The following SASH1 variants were observed in gnomAD, a reference collection of about 807,000 sequenced individuals.
SASH1 encodes SAM and SH3 domain-containing protein 1.
In SASH1, 44 loss-of-function variants were observed where a neutral mutation model predicts 125.2. The observed-to-expected ratio is 0.35, with a 90% CI of 0.28 to 0.45. The LOEUF (loss-of-function observed/expected upper bound fraction) is 0.45. Among genes scored for constraint, SASH1 ranks in the 20% least tolerant of loss-of-function variants. SASH1 has a pLI of 1.00. For synonymous variants in SASH1, 639 were observed against 649.1 expected (o/e 0.98, Z 0.24); for missense variants, 1,426 against 1,614.5 (o/e 0.88, Z 2.00).
chr6:148,426,141 G>C (rs552645774), intron 2 of SASH1, among the ~76,000 whole-genome samples: 2 of 152,106 alleles, frequency 1.3e-5, no homozygotes, highest in African/African-American at 4.8e-5. Flanking sequence ...CCTGGGAGGC[G>C]GAGGCTGCAG....
intron 1 of SASH1, among the ~76,000 whole-genome samples, chr6:148,365,078 G>A (rs904915148): frequency 2.0e-5 from 3 of 151,512 alleles, no homozygotes; most frequent in South Asian, 4.2e-4. Flanking sequence ...AGCTGAGATC[G>A]TGCCACTGCA....
At chr6:148,302,782 A>ATG (rs71031061) in intron 1 of SASH1, among the ~76,000 whole-genome samples, 20,829 of 147,532 alleles carry the variant, frequency 0.14, 1,942 homozygotes, top group Non-Finnish European at 0.21. Context: ...GTATATATAT[A>ATG]TGTGTGTGTG....
At chr6:148,257,842 G>A in the SASH1 span, among the ~76,000 whole-genome samples, 10 of 152,078 alleles carry the variant, frequency 6.6e-5, no homozygotes, top group East Asian at 9.7e-4. Flanking sequence ...TGTTGCCCAC[G>A]ATGGTCTCGA....
chr6:148,315,091 T>C (rs556591284), intron 1 of SASH1, among the ~76,000 whole-genome samples: 1 of 152,310 alleles, frequency 6.6e-6, no homozygotes, highest in South Asian at 2.1e-4. Flanking sequence ...GTTAATGATC[T>C]GCAAGCATTT....
intron 5 of SASH1, 151 bp downstream of exon 5, chr6:148,468,736 TA>T: frequency 1.8e-6 from 1 of 548,508 alleles, no homozygotes; most frequent in Non-Finnish European, 3.2e-6. Flanking sequence ...CTCCTTTTTC[TA>T]GGCAGTTTTA....
upstream of SASH1, among the ~76,000 whole-genome samples, chr6:148,271,328 C>T (rs1197706507): frequency 6.6e-6 from 1 of 152,102 alleles, no homozygotes; most frequent in East Asian, 1.9e-4. Flanking sequence ...CCTAATGTTC[C>T]TTAGTGACTT....
At chr6:148,207,292 G>C in the SASH1 span, among the ~76,000 whole-genome samples, 1 of 152,202 alleles carries the variant, frequency 6.6e-6, no homozygotes, top group Non-Finnish European at 1.5e-5. Context: ...TGTGACTTAG[G>C]AACTAAATTC....
At chr6:148,249,434 A>G in the SASH1 span, among the ~76,000 whole-genome samples, 1 of 152,290 alleles carries the variant, frequency 6.6e-6, no homozygotes, top group East Asian at 1.9e-4. Flanking sequence ...AAAAAGGCTC[A>G]TGTGTAAACA....
intron 4 of SASH1, among the ~76,000 whole-genome samples, chr6:148,445,059 G>A (rs1776712883): frequency 6.6e-6 from 1 of 152,170 alleles, no homozygotes; most frequent in Non-Finnish European, 1.5e-5. Context: ...GTGTCTTTTG[G>A]TGTGCTATTG....
intron 2 of SASH1, among the ~76,000 whole-genome samples, chr6:148,435,807 CCTCTT>C (rs975256323): frequency 7.9e-5 from 12 of 152,052 alleles, no homozygotes; most frequent in African/African-American, 2.7e-4. Flanking sequence ...AGTTTATTAT[CCTCTT>C]CTCTTTACTT....
chr6:148,404,431 G>T (rs1208814508), intron 2 of SASH1, among the ~76,000 whole-genome samples: 1 of 151,920 alleles, frequency 6.6e-6, no homozygotes, highest in Non-Finnish European at 1.5e-5. Flanking sequence ...TCTTAAAATG[G>T]GTATACAAAT....
intron 1 of SASH1, among the ~76,000 whole-genome samples, chr6:148,337,835 T>C (rs1353665108): frequency 4.6e-5 from 7 of 152,232 alleles, no homozygotes; most frequent in Non-Finnish European, 8.8e-5. Context: ...ATTATGGTGA[T>C]AGTTTTCACT....
At chr6:148,527,997 G>A (rs1860969) in intron 12 of SASH1, among the ~76,000 whole-genome samples, 56,682 of 131,394 alleles carry the variant, frequency 0.43, 11,919 homozygotes, top group South Asian at 0.53. Context: ...TTGGGGGGGG[G>A]GGTGGCAGTA....
upstream of SASH1, among the ~76,000 whole-genome samples, chr6:148,270,940 G>A (rs866310827): frequency 4.3e-5 from 6 of 138,458 alleles, no homozygotes; most frequent in African/African-American, 8.2e-5. Context: ...ACAGAGTCTC[G>A]CTCTTGTCGC....
the SASH1 span, among the ~76,000 whole-genome samples, chr6:148,235,515 A>G: frequency 4.6e-5 from 7 of 152,178 alleles, no homozygotes; most frequent in African/African-American, 1.7e-4. Context: ...AATTTTTAAA[A>G]TATGTATTTG....
intron 1 of SASH1, among the ~76,000 whole-genome samples, chr6:148,330,774 T>TG (rs1780972887): frequency 6.6e-6 from 1 of 152,072 alleles, no homozygotes; most frequent in African/African-American, 2.4e-5. Context: ...TTAGCAGAGA[T>TG]GGGGTTTCGC....
intron 5 of SASH1, among the ~76,000 whole-genome samples, chr6:148,469,570 C>G (rs1051624905): frequency 9.2e-5 from 14 of 151,910 alleles, no homozygotes; most frequent in African/African-American, 3.4e-4. Flanking sequence ...CTTTCTCTAC[C>G]AAAAATTTAA....
At chr6:148,541,937 C>G (rs904547573) in intron 17 of SASH1, among the ~76,000 whole-genome samples, 44 of 152,194 alleles carry the variant, frequency 2.9e-4, no homozygotes, top group African/African-American at 9.4e-4. Flanking sequence ...CACCTAGTAT[C>G]CCAGTACATC....
At chr6:148,201,622 C>A in the SASH1 span, among the ~76,000 whole-genome samples, 1 of 152,148 alleles carries the variant, frequency 6.6e-6, no homozygotes, top group South Asian at 2.1e-4. Flanking sequence ...ACCCATGGAA[C>A]AGCTGCAGTA....
Sources: gnomAD v4.1 joint callset for allele counts (sites outside exome capture counted in the v4.1 genomes callset) on GRCh38, gnomAD v4.1.1 for gene constraint, MANE v1.5 for transcripts, NCBI Gene and HGNC (gene_info 2026-07-23, HGNC 2026-07-21) for gene names.